PPM1H: variants seen among roughly 807,000 people sequenced by gnomAD.
PPM1H encodes the protein protein phosphatase 1H.
Under a neutral mutation model 54.9 loss-of-function variants are expected in PPM1H, and 27 were observed. That is an observed-to-expected ratio of 0.49 (90% CI 0.36 to 0.68). PPM1H has a LOEUF of 0.68. Ranked by LOEUF, PPM1H falls within the 30% of genes least tolerant of loss-of-function variation. The pLI, the probability that PPM1H is intolerant of heterozygous loss-of-function variation, is 0.00. For missense variants in PPM1H, 596 were observed against 667.8 expected (o/e 0.89, Z 1.19); for synonymous variants, 305 against 270.8 (o/e 1.13, Z -1.24).
rs910798672 is a variant in PPM1H, at chr12:62,675,913, A to G, written c.1246-8584T>C. 3.3e-5 allele frequency among the ~76,000 whole-genome samples: 5 copies of G among 152,240 alleles called. No homozygotes were observed. In the East Asian group the frequency reaches 7.7e-4, roughly 23 times the overall value. On this transcript the variant is annotated intron_variant, in intron 8 of 9. Transcript: ENST00000228705. The stretch of plus-strand genomic sequence containing the variant: ...GGATATTTGCTGTGTGACAAAGTCA[A>G]TCCCGCTGATTGCAGTTGTTCTGGT...
rs147598303 is a variant in PPM1H, at chr12:62,790,290, A to G, written c.757-1952T>C. Among the ~76,000 whole-genome samples the G allele has an allele frequency of 4.6e-4, 70 of 152,332 alleles. No individual in the cohort carries two copies. The South Asian group carries it at 5.6e-3, about 12-fold the overall frequency. On this transcript the variant is annotated intron_variant, in intron 3 of 9. Coordinates refer to ENST00000228705, the MANE Select transcript of PPM1H (RefSeq NM_020700.2). ...GGATATCATATTGGTTAAAGAGCAAATGGAAGCCAGGCACGGTGGCTAACG... is the reference window on the plus strand; with the variant it reads ...GGATATCATATTGGTTAAAGAGCAAGTGGAAGCCAGGCACGGTGGCTAACG...
chr12:62,934,847 G>A lies in PPM1H; in HGVS notation c.-111C>T. ...GGGCGCCGGGCGCACGGCGAGTCGG[G>A]CCACTGGGACGCGCCGCGCGCGGCT... On this transcript the variant is annotated 5_prime_UTR_variant, in exon 1 of 10. Coordinates refer to ENST00000228705, the MANE Select transcript of PPM1H (RefSeq NM_020700.2). This position sits in a 1 kb window ranked among gnomAD's most constrained non-coding sequence, Gnocchi z 4.2. The A allele has an allele frequency of 5.4e-6, 6 of 1,119,872 alleles. No individual in the cohort carries two copies. In the South Asian group the frequency reaches 1.8e-4, roughly 33 times the overall value. The allele number at this position is 1,119,872 out of a possible 1,614,324, so 69.4% of individuals were successfully genotyped here.
chr12:62,717,101 A>G (rs1344366212), intron 6 of PPM1H, among the ~76,000 whole-genome samples: 1 of 152,152 alleles, frequency 6.6e-6, no homozygotes, highest in Non-Finnish European at 1.5e-5. Context: ...TGCCTCCCCA[A>G]ATGCTGGGAT....
intron 1 of PPM1H, among the ~76,000 whole-genome samples, chr12:62,849,529 C>G (rs1342329112): frequency 6.6e-6 from 1 of 152,122 alleles, no homozygotes; most frequent in African/African-American, 2.4e-5. Flanking sequence ...CTGAGCAGCT[C>G]TCAGATCTAG....
intron 8 of PPM1H, among the ~76,000 whole-genome samples, chr12:62,686,159 G>A (rs1371632729): frequency 6.6e-6 from 1 of 152,156 alleles, no homozygotes; most frequent in Non-Finnish European, 1.5e-5. Flanking sequence ...GATTCTTACC[G>A]AGTTCTCAGG....
At chr12:62,659,152 T>C (rs1182757245) in intron 9 of PPM1H, 4 of 731,348 alleles carry the variant, frequency 5.5e-6, no homozygotes, top group East Asian at 5.1e-5. Flanking sequence ...AAAGCCGTTG[T>C]GGAAAGAGCT....
At position 62,916,105 on chromosome 12, in the gene PPM1H, T is replaced by C. The variant is rs571512142; in HGVS notation, c.245+18387A>G. The stretch of plus-strand genomic sequence containing the variant: ...TATTATATTATAGTTATACACACAA[T>C]GTCTCCCCTGCTAACTTGTGAGCCC... On this transcript the variant is annotated intron_variant, in intron 1 of 9. Transcript: ENST00000228705. 8.5e-5 allele frequency among the ~76,000 whole-genome samples: 13 copies of C among 152,316 alleles called. No homozygotes were observed. The South Asian group carries it at 1.7e-3, about 19-fold the overall frequency.
rs1872261163 is a variant in PPM1H, at chr12:62,934,592, G to GC, written c.144dup (p.Leu49AlafsTer45). On this transcript the variant is annotated frameshift_variant, in exon 1 of 10. Coordinates refer to ENST00000228705, the MANE Select transcript of PPM1H (RefSeq NM_020700.2). LOFTEE classifies it high-confidence loss of function. This position sits in a 1 kb window ranked among gnomAD's most constrained non-coding sequence, Gnocchi z 4.2. ...CTGCACTCCACCTCGTCCTGAGACA[G>GC]CCCCAGGAACTCTGGCCGCCCGTAG... 6.4e-7 allele frequency: 1 copy of GC among 1,569,796 alleles called. No homozygotes were observed. Among genetic ancestry groups the GC allele is most frequent in the Non-Finnish European group, 8.6e-7 (1 of 1,158,608 alleles).
chr12:62,708,548 TG>T (rs1303412072), intron 6 of PPM1H, among the ~76,000 whole-genome samples: 1 of 151,552 alleles, frequency 6.6e-6, no homozygotes, highest in Non-Finnish European at 1.5e-5. Flanking sequence ...CACAGGAAAA[TG>T]TTTCCTTGGT....
intron 9 of PPM1H, among the ~76,000 whole-genome samples, chr12:62,655,824 T>C (rs906465470): frequency 2.6e-5 from 4 of 152,194 alleles, no homozygotes; most frequent in Non-Finnish European, 4.4e-5. Flanking sequence ...CCACTCCTAA[T>C]GAAGAGTCTC....
At chr12:62,726,619 G>A (rs112033806) in intron 5 of PPM1H, among the ~76,000 whole-genome samples, 1,746 of 152,300 alleles carry the variant, frequency 0.011, 28 homozygotes, top group African/African-American at 0.028. Context: ...TCCAATGCGG[G>A]GATGTGGAAG....
chr12:62,872,161 G>C (rs1426410918), intron 1 of PPM1H, among the ~76,000 whole-genome samples: 1 of 152,172 alleles, frequency 6.6e-6, no homozygotes, highest in African/African-American at 2.4e-5. Flanking sequence ...ATCATTTTCT[G>C]TTCTAGCCTG....
chr12:62,707,027 T>C (rs1286400995), intron 6 of PPM1H, among the ~76,000 whole-genome samples: 5 of 152,120 alleles, frequency 3.3e-5, no homozygotes, highest in Non-Finnish European at 5.9e-5. Flanking sequence ...AAACTCAGAC[T>C]CCAAATTTTC....
chr12:62,921,525 C>T (rs902437802), intron 1 of PPM1H, among the ~76,000 whole-genome samples: 5 of 152,260 alleles, frequency 3.3e-5, no homozygotes, highest in East Asian at 1.9e-4. Flanking sequence ...AGATGGCCAC[C>T]GCAAGAGACC....
chr12:62,832,426 T>C, intron 1 of PPM1H, 147 bp from the exon 2 acceptor site: 2 of 745,652 alleles, frequency 2.7e-6, no homozygotes, highest in Non-Finnish European at 4.2e-6. Context: ...CTTGGTATTT[T>C]ATGTTCCCAA....
intron 2 of PPM1H, among the ~76,000 whole-genome samples, chr12:62,807,696 G>T (rs2076813209): frequency 6.6e-6 from 1 of 152,136 alleles, no homozygotes; most frequent in South Asian, 2.1e-4. Flanking sequence ...ATGCTAGGAG[G>T]ATGTAAAAAA....
At chr12:62,798,529 G>T (rs916681844) in intron 3 of PPM1H, among the ~76,000 whole-genome samples, 2 of 152,168 alleles carry the variant, frequency 1.3e-5, no homozygotes, top group Non-Finnish European at 2.9e-5. Context: ...CTGTAGGCAG[G>T]TTGGGGACCT....
rs576014979 is a variant in PPM1H at position 62,646,167 on chromosome 12, A to T, written c.*2322T>A. On this transcript the variant is annotated 3_prime_UTR_variant, in exon 10 of 10. Coordinates refer to ENST00000228705, the MANE Select transcript of PPM1H (RefSeq NM_020700.2). ...GGGGGCGTAGGAAAACAATTCCTGG[A>T]TGCCTTTCTAACTAAAACCAGCAGG... is the stretch of plus-strand genomic sequence containing the variant. 2.0e-5 allele frequency: 3 copies of T among 152,294 alleles called. No individual in the cohort carries two copies. Among genetic ancestry groups the T allele is most frequent in the African/African-American group, 2.4e-5 (1 of 41,562 alleles). The allele number at this position is 152,294 out of a possible 1,614,324, so 9.4% of individuals were successfully genotyped here.
chr12:62,895,727 GCACT>G (rs1870964381), intron 1 of PPM1H, among the ~76,000 whole-genome samples: 1 of 152,086 alleles, frequency 6.6e-6, no homozygotes, highest in South Asian at 2.1e-4. Flanking sequence ...CTCTGCACTT[GCACT>G]CACTTACTCT....
Sources: gnomAD v4.1 joint callset for allele counts (sites outside exome capture counted in the v4.1 genomes callset) on GRCh38, gnomAD v4.1.1 for gene constraint, Gnocchi (gnomAD v3.1) non-coding constraint, MANE v1.5 for transcripts, NCBI Gene and HGNC (gene_info 2026-07-23, HGNC 2026-07-21) for gene names.